The following DAB1 variants were observed in gnomAD, a reference collection of about 807,000 sequenced individuals.
The protein encoded by DAB1 is DAB adaptor protein 1.
A neutral mutation model predicts 64.6 loss-of-function variants in DAB1; 15 were observed. The observed-to-expected ratio is 0.23, with a 90% CI of 0.16 to 0.36. The LOEUF is 0.36. Among genes scored for constraint, DAB1 ranks in the 10% least tolerant of loss-of-function variants. DAB1 has a pLI of 1.00. For missense variants in DAB1, 596 were observed against 706.7 expected, an observed-to-expected ratio of 0.84 and a Z score of 1.78; for synonymous variants, 235 against 251.9, an observed-to-expected ratio of 0.93 and a Z score of 0.64.
intron 4 of DAB1, among the ~76,000 whole-genome samples, chr1:58,203,467 C>T (rs1658106198): frequency 6.6e-6 from 1 of 152,184 alleles, no homozygotes; most frequent in Non-Finnish European, 1.5e-5. Flanking sequence ...TGTCTCCATA[C>T]ACATAAACAC....
chr1:57,184,075 C>A (rs1663269052), intron 2 of DAB1, among the ~76,000 whole-genome samples: 2 of 147,498 alleles, frequency 1.4e-5, no homozygotes, highest in Admixed American at 1.3e-4. Context: ...AACAACACGA[C>A]TTTTCCAAAA....
intron 4 of DAB1, among the ~76,000 whole-genome samples, chr1:57,095,672 C>A (rs189158161): frequency 4.1e-4 from 63 of 152,216 alleles, no homozygotes; most frequent in African/African-American, 1.4e-3. Flanking sequence ...GGGTGGGAAC[C>A]AGCTTGAATG....
intron 1 of DAB1, among the ~76,000 whole-genome samples, chr1:57,346,605 A>C (rs1678125402): frequency 6.6e-6 from 1 of 152,174 alleles, no homozygotes; most frequent in South Asian, 2.1e-4. Flanking sequence ...CAGTATACCA[A>C]AAATGGAAGC....
At chr1:57,562,755 C>T (rs1645067738) in intron 7 of DAB1, among the ~76,000 whole-genome samples, 1 of 152,114 alleles carries the variant, frequency 6.6e-6, no homozygotes, top group South Asian at 2.1e-4. Flanking sequence ...GTCTTAGTTC[C>T]AGAGGGAGAG....
At position 57,416,517 on chromosome 1, in the gene DAB1, G is replaced by A. The variant is rs189172415; in HGVS notation, c.-137+7413C>T. Among the ~76,000 whole-genome samples the A allele has an allele frequency of 7.0e-3, 1,067 of 152,218 alleles. 5 individuals are homozygous for A. Among genetic ancestry groups the A allele is most frequent in the South Asian group, 0.024 (117 of 4,826 alleles). ...CTCTAGTGAATCGACTGTTTTAATA[G>A]GACAGATTTGGATAAGTAGTTATTG... On this transcript the variant is annotated intron_variant, in intron 1 of 14. Transcript: ENST00000371236.
intron 4 of DAB1, among the ~76,000 whole-genome samples, chr1:57,130,334 T>G (rs888583101): frequency 2.6e-5 from 4 of 152,164 alleles, no homozygotes; most frequent in Non-Finnish European, 5.9e-5. Context: ...ATCTTATGGA[T>G]GAGTAAACAG....
chr1:57,129,465 T>C (rs1482279765), intron 4 of DAB1, among the ~76,000 whole-genome samples: 11 of 152,082 alleles, frequency 7.2e-5, no homozygotes, highest in Admixed American at 7.2e-4. Context: ...GTGGAAGCCC[T>C]GAACATTGAA....
chr1:57,183,706 A>C (rs1663227136), intron 2 of DAB1, among the ~76,000 whole-genome samples: 1 of 152,136 alleles, frequency 6.6e-6, no homozygotes, highest in East Asian at 1.9e-4. Context: ...TGCACCAAGC[A>C]CTCCACTATA....
At chr1:58,249,488 G>C (rs1660700180) in intron 4 of DAB1, among the ~76,000 whole-genome samples, 1 of 152,074 alleles carries the variant, frequency 6.6e-6, no homozygotes, top group African/African-American at 2.4e-5. Context: ...AGGGCAGAAA[G>C]AAAGCATGCG....
chr1:57,790,029 TA>T (rs1378944666), intron 6 of DAB1, among the ~76,000 whole-genome samples: 10 of 152,132 alleles, frequency 6.6e-5, no homozygotes, highest in Admixed American at 2.0e-4. Context: ...CAACGGACCA[TA>T]AGAGGGAAAG....
chr1:58,370,386 T>C (rs934910833), intron 3 of DAB1, among the ~76,000 whole-genome samples: 2,930 of 107,366 alleles, frequency 0.027, 32 homozygotes, highest in Middle Eastern at 0.046. Context: ...TGTGTGTGTG[T>C]GTGTGTGTGT....
At chr1:57,826,846 C>T (rs2101900299) in intron 1 of DAB1, among the ~76,000 whole-genome samples, 1 of 152,296 alleles carries the variant, frequency 6.6e-6, no homozygotes, top group Non-Finnish European at 1.5e-5. Context: ...TCTCCCATTC[C>T]TTCTTATTCA....
At position 57,051,728 on chromosome 1, in the gene DAB1, C is replaced by T. The variant is rs752897634; in HGVS notation, c.723+11156G>A. ...ATCCAGTATGAAGAAAGCAGTGTGC[C>T]AGACAGAGTGAAGCTTCATGGATGA... On this transcript the variant is annotated intron_variant, in intron 9 of 14. Coordinates refer to ENST00000371236, the MANE Select transcript of DAB1 (RefSeq NM_001365792.1). Among the ~76,000 whole-genome samples the T allele has an allele frequency of 5.3e-5, 8 of 152,220 alleles. No homozygotes were observed. The East Asian group carries it at 1.4e-3, about 26-fold the overall frequency.
intron 2 of DAB1, among the ~76,000 whole-genome samples, chr1:57,238,294 T>C (rs886841499): frequency 6.6e-6 from 1 of 152,158 alleles, no homozygotes; most frequent in Non-Finnish European, 1.5e-5. Context: ...CTAGTTATGA[T>C]ACCCTGAGAA....
chr1:57,663,674 T>C (rs1646413631), intron 6 of DAB1, among the ~76,000 whole-genome samples: 1 of 152,194 alleles, frequency 6.6e-6, no homozygotes, highest in African/African-American at 2.4e-5. Context: ...CAATGTTGAA[T>C]AATAGGCATA....
At chr1:57,746,057 G>A (rs2406274) in intron 6 of DAB1, among the ~76,000 whole-genome samples, 59,183 of 151,956 alleles carry the variant, frequency 0.39, 11,764 homozygotes, top group Admixed American at 0.44. Context: ...GTCTCATTAT[G>A]TAAACACTTT....
At chr1:57,175,229 A>G (rs531294383) in intron 2 of DAB1, among the ~76,000 whole-genome samples, 1 of 152,140 alleles carries the variant, frequency 6.6e-6, no homozygotes, top group East Asian at 1.9e-4. Context: ...TGATAAAAAG[A>G]TCTATAACTG....
At chr1:58,161,910 G>C (rs989106536) in intron 4 of DAB1, among the ~76,000 whole-genome samples, 1 of 152,112 alleles carries the variant, frequency 6.6e-6, no homozygotes, top group African/African-American at 2.4e-5. Flanking sequence ...TTACATTTTA[G>C]AAAGATTAGG....
At chr1:57,443,547 T>C (rs1284074253) in intron 7 of DAB1, among the ~76,000 whole-genome samples, 19 of 152,216 alleles carry the variant, frequency 1.2e-4, no homozygotes, top group Non-Finnish European at 2.9e-5. Context: ...TTTGGCACTC[T>C]ACCAACCTAC....
Sources: gnomAD v4.1 joint callset for allele counts (sites outside exome capture counted in the v4.1 genomes callset) on GRCh38, gnomAD v4.1.1 for gene constraint, MANE v1.5 for transcripts, NCBI Gene and HGNC (gene_info 2026-07-23, HGNC 2026-07-21) for gene names.